The following TRIM17 variants were observed in gnomAD, a reference collection of about 807,000 sequenced individuals.
TRIM17 encodes E3 ubiquitin-protein ligase TRIM17.
Under a neutral mutation model 35.8 loss-of-function variants are expected in TRIM17, and 27 were observed. The observed-to-expected ratio is 0.75, with a 90% CI of 0.56 to 1.04. TRIM17 has a LOEUF of 1.04. TRIM17 is among the 50% of genes least tolerant of loss of function. The probability of loss-of-function intolerance (pLI) is 0.00; values close to 1 mark genes in which losing one functional copy is unlikely to be tolerated. For missense variants in TRIM17, 582 were observed against 612.8 expected (o/e 0.95, Z 0.53); for synonymous variants, 246 against 252.6 (o/e 0.97, Z 0.25).
At chr1:228,409,339 C>T (rs767207885) in intron 5 of TRIM17, 50 bp downstream of exon 5, 9 of 1,603,112 alleles carry the variant, frequency 5.6e-6, no homozygotes, top group Admixed American at 5.1e-5. Flanking sequence ...TATTGTCCCC[C>T]CCGCCCACCG....
chr1:228,409,022 C>A (rs752089747), intron 6 of TRIM17, 150 bp downstream of exon 6: 2 of 1,597,218 alleles, frequency 1.3e-6, no homozygotes, highest in South Asian at 1.1e-5. Context: ...GTAACGCCGC[C>A]CTACGAAGGC....
Position 228,408,451 on chromosome 1 carries a change from T to C in TRIM17, c.1184A>G (p.Lys395Arg), listed in dbSNP as rs914950520. Residue 395 changes from lysine to arginine, a missense_variant, in exon 7 of 7, where the codon AAG becomes AGG. Coordinates refer to ENST00000366698, the MANE Select transcript of TRIM17 (RefSeq NM_016102.4). The surrounding 1 kb of genome is among the most constrained non-coding windows in gnomAD (Gnocchi z 6.3). ...GAAGGTGGATAAGTACTTGGTCCCC[T>C]TGGACAGCTGCACCACCCAGAAGCC... is the stretch of plus-strand genomic sequence containing the variant. ...ENGFWVVQLS[K>R]GTKYLSTFSA... 2 of 1,614,186 alleles carry C rather than the reference T, an allele frequency of 1.2e-6. No homozygotes were observed. The highest frequency in any genetic ancestry group is 8.5e-7 in the Non-Finnish European group (1 of 1,180,022).
intron 2 of TRIM17, 28 bp downstream of exon 2, chr1:228,414,616 C>T (rs1656977037): frequency 1.3e-6 from 2 of 1,593,060 alleles, no homozygotes; most frequent in Non-Finnish European, 8.6e-7. Flanking sequence ...CTCCCCGGCC[C>T]CTTGACCTGG....
chr1:228,416,581 G>C lies in TRIM17; in HGVS notation c.-84C>G, dbSNP rs1574104642. 1 of 985,538 alleles carries C rather than the reference G, an allele frequency of 1.0e-6. No individual in the cohort carries two copies. Among genetic ancestry groups the C allele is most frequent in the African/African-American group, 1.7e-5 (1 of 57,172 alleles). 61.0% of individuals were successfully genotyped at this position (985,538 alleles called of 1,614,324 possible). On this transcript the variant is annotated 5_prime_UTR_variant, in exon 1 of 7. Transcript: ENST00000366698. ...CGCACAGCGCCTAGTGCACCTGGCC[G>C]AGCGCTCGCTGCCGGGAAAGGCTGG...
chr1:228,412,372 C>A (rs1459899376), intron 3 of TRIM17, among the ~76,000 whole-genome samples: 1 of 152,074 alleles, frequency 6.6e-6, no homozygotes, highest in East Asian at 1.9e-4. Context: ...GACCACCCTG[C>A]CTCCGTAGTT....
rs1657173797 is a variant in TRIM17 at position 228,416,844 on chromosome 1, G to A, written c.-347C>T. On this transcript the variant is annotated 5_prime_UTR_variant, in exon 1 of 7. Coordinates refer to ENST00000366698, the MANE Select transcript of TRIM17 (RefSeq NM_016102.4). ...AAGGCTCTGGACGAGCCGGGGACAGGCGCAGCGGGTGCTGACTGGGCGGTG... is the reference window on the plus strand; with the variant it reads ...AAGGCTCTGGACGAGCCGGGGACAGACGCAGCGGGTGCTGACTGGGCGGTG... The A allele has an allele frequency of 1.0e-6, 1 of 984,836 alleles. No homozygotes were observed. The highest frequency in any genetic ancestry group is 1.2e-6 in the Non-Finnish European group (1 of 829,936). The allele number at this position is 984,836 out of a possible 1,614,324, so 61.0% of individuals were successfully genotyped here. A position where few individuals can be genotyped will look rare whatever the true frequency, so the allele number is the denominator to read the frequency against.
chr1:228,408,569 C>T lies in TRIM17; in HGVS notation c.1066G>A (p.Gly356Ser). 1 of 1,614,080 alleles carries T rather than the reference C, an allele frequency of 6.2e-7. No individual in the cohort carries two copies. Among genetic ancestry groups the T allele is most frequent in the Non-Finnish European group, 8.5e-7 (1 of 1,180,024 alleles). ...FSSGRHYWEVGMNITGDALWA... is the reference protein window; with the variant it reads ...FSSGRHYWEVSMNITGDALWA... The stretch of plus-strand genomic sequence containing the variant: ...AACGCGTCCCCGGTGATGTTCATGC[C>T]CACCTCCCAGTAGTGCCTCCCAGAG... The change falls in exon 7 of 7, where the codon GGC becomes AGC. Residue 356 changes from glycine (G) to serine (S), a missense_variant. By Grantham distance (56) the Gly-to-Ser change is moderately conservative. Transcript: ENST00000366698. This position sits in a 1 kb window ranked among gnomAD's most constrained non-coding sequence, Gnocchi z 6.3.
In TRIM17 at chr1:228,408,787, G is replaced by A; in HGVS notation, c.884-36C>T. The A allele has an allele frequency of 3.2e-6, 5 of 1,577,212 alleles. 1 individual carries two copies. The highest frequency in any genetic ancestry group is 4.3e-6 in the Non-Finnish European group (5 of 1,167,230). ...GCGTGGTGGTGGAGAGATGGGGAGA[G>A]GTGTGGGGCATTCAGGGTCAAAGGT... On this transcript the variant is annotated intron_variant, in intron 6 of 6. Coordinates refer to ENST00000366698, the MANE Select transcript of TRIM17 (RefSeq NM_016102.4). The surrounding 1 kb of genome is among the most constrained non-coding windows in gnomAD (Gnocchi z 6.3).
Position 228,414,523 on chromosome 1 carries a change from CA to C in TRIM17, c.429+120del, listed in dbSNP as rs2149113747. ...CCTTGTCCCCTGGATGCCTCCTCCC[CA>C]GCCCCTGACTCGGGCCACTTTGTCC... is the stretch of plus-strand genomic sequence containing the variant. On this transcript the variant is annotated intron_variant, in intron 2 of 6. Coordinates refer to ENST00000366698, the MANE Select transcript of TRIM17 (RefSeq NM_016102.4). 1.5e-5 allele frequency: 13 copies of C among 863,716 alleles called. 1 individual carries two copies. The highest frequency in any genetic ancestry group is 7.0e-4 in the Middle Eastern group (2 of 2,862). The allele number at this position is 863,716 out of a possible 1,614,324, so 53.5% of individuals were successfully genotyped here. A position where few individuals can be genotyped will look rare whatever the true frequency, so the allele number is the denominator to read the frequency against.
intron 2 of TRIM17, among the ~76,000 whole-genome samples, chr1:228,414,180 TACC>T (rs1656952294): frequency 2.0e-5 from 3 of 152,170 alleles, no homozygotes; most frequent in Admixed American, 6.5e-5. Flanking sequence ...GCCATGTTCT[TACC>T]AAGGGCGGGA....
intron 5 of TRIM17, 22 bp from the exon 6 acceptor site, chr1:228,409,297 G>C (rs1462275316): frequency 6.2e-7 from 1 of 1,612,136 alleles, no homozygotes; most frequent in African/African-American, 1.3e-5. Context: ...ACACACAGGG[G>C]AGTCTTATTG....
At chr1:228,416,240 A>C in intron 1 of TRIM17, 1 of 705,552 alleles carries the variant, frequency 1.4e-6, no homozygotes, top group African/African-American at 2.0e-5. Flanking sequence ...CAGCCCTCCG[A>C]CTCCCCCCAA....
At chr1:228,412,719 A>G (rs984631511) in intron 3 of TRIM17, among the ~76,000 whole-genome samples, 17 of 151,176 alleles carry the variant, frequency 1.1e-4, no homozygotes, top group African/African-American at 4.1e-4. Flanking sequence ...GCAGTGAGCT[A>G]TGATTGCATC....
chr1:228,415,082 G>T lies in TRIM17; in HGVS notation c.-10C>A. 1 of 1,594,348 alleles carries T rather than the reference G, an allele frequency of 6.3e-7. No homozygotes were observed. Among genetic ancestry groups the T allele is most frequent in the South Asian group, 1.1e-5 (1 of 89,284 alleles). On this transcript the variant is annotated 5_prime_UTR_variant, in exon 2 of 7. Transcript: ENST00000366698. ...GTTCCACAGCCTCCATGGCTCCTGG[G>T]AGACACGAGGCAGGTTCCCGCTTGA...
chr1:228,408,526 C>T lies in TRIM17; in HGVS notation c.1109G>A (p.Cys370Tyr). The T allele has an allele frequency of 1.2e-6, 2 of 1,614,128 alleles. No individual in the cohort carries two copies. The highest frequency in any genetic ancestry group is 4.5e-5 in the East Asian group (2 of 44,872). The change falls in exon 7 of 7, where the codon TGC becomes TAC. Residue 370 changes from cysteine to tyrosine, a missense_variant. Physicochemically the swap from Cys to Tyr is radical, Grantham distance 194. Transcript: ENST00000366698. The surrounding 1 kb of genome is among the most constrained non-coding windows in gnomAD (Gnocchi z 6.3). ...TGDALWALGVCRDNVSRKDRV... is the reference protein window; with the variant it reads ...TGDALWALGVYRDNVSRKDRV... ...GTCTTTCCGGCTCACGTTGTCCCTG[C>T]ACACACCCAGGGCCCACAACGCGTC... is the stretch of plus-strand genomic sequence containing the variant.
chr1:228,411,764 C>T lies in TRIM17; in HGVS notation c.526-588G>A, dbSNP rs200110809. 5.3e-5 allele frequency among the ~76,000 whole-genome samples: 8 copies of T among 152,068 alleles called. No individual in the cohort carries two copies. The highest frequency in any genetic ancestry group is 1.3e-4 in the Admixed American group (2 of 15,268). On this transcript the variant is annotated intron_variant, in intron 3 of 6. Coordinates refer to ENST00000366698, the MANE Select transcript of TRIM17 (RefSeq NM_016102.4). This position sits in a 1 kb window ranked among gnomAD's most constrained non-coding sequence, Gnocchi z 4.2. ...ACCTCAGCCTTCCAAGGAAGTGGGA[C>T]GACAGACATGTGTCACCACCACCAT... is the stretch of plus-strand genomic sequence containing the variant.
chr1:228,412,770 GA>G (rs982877252), intron 3 of TRIM17, among the ~76,000 whole-genome samples: 1 of 151,622 alleles, frequency 6.6e-6, no homozygotes, highest in Non-Finnish European at 1.5e-5. Flanking sequence ...TCTGACTCAA[GA>G]AAAAAACAAA....
At chr1:228,413,133 C>T (rs1656875072) in intron 3 of TRIM17, among the ~76,000 whole-genome samples, 1 of 150,906 alleles carries the variant, frequency 6.6e-6, no homozygotes, top group African/African-American at 2.4e-5. Flanking sequence ...ATTGCTTGAA[C>T]CCGGGAGGCA....
In TRIM17 at chr1:228,408,972, G is replaced by A. The variant is rs1443412796; in HGVS notation, c.883+200C>T. The A allele has an allele frequency of 5.3e-6, 8 of 1,520,394 alleles. No individual in the cohort carries two copies. Among genetic ancestry groups the A allele is most frequent in the Non-Finnish European group, 7.1e-6 (8 of 1,129,872 alleles). 94.2% of individuals were successfully genotyped at this position (1,520,394 alleles called of 1,614,324 possible). On this transcript the variant is annotated intron_variant, in intron 6 of 6. Transcript: ENST00000366698. This position sits in a 1 kb window ranked among gnomAD's most constrained non-coding sequence, Gnocchi z 6.3. ...CAGGGGGCTGGGCAGAGAGACCACT[G>A]GGAACTCAACAAGATTCATCCCATG...
Sources: allele counts gnomAD v4.1 joint callset (sites outside exome capture counted in the v4.1 genomes callset), GRCh38; gene constraint gnomAD v4.1.1; non-coding constraint Gnocchi (gnomAD v3.1); transcripts MANE v1.5; gene names NCBI Gene and HGNC (gene_info 2026-07-23, HGNC 2026-07-21).